The following PIP5K1B variants were observed in gnomAD, a reference collection of about 807,000 sequenced individuals.
PIP5K1B encodes phosphatidylinositol-4-phosphate 5-kinase type 1 beta.
A neutral mutation model predicts 67.0 loss-of-function variants in PIP5K1B; 42 were observed. The observed-to-expected ratio is 0.63, with a 90% CI of 0.49 to 0.81. The LOEUF (loss-of-function observed/expected upper bound fraction) is 0.81. Ranked by LOEUF, PIP5K1B falls within the 30% of genes least tolerant of loss-of-function variation. The probability of loss-of-function intolerance (pLI) is 0.00; values close to 1 mark genes in which losing one functional copy is unlikely to be tolerated. For missense variants in PIP5K1B, 459 were observed against 646.3 expected, an observed-to-expected ratio of 0.71 and a Z score of 3.14; for synonymous variants, 214 against 231.4, an observed-to-expected ratio of 0.92 and a Z score of 0.68.
chr9:68,915,449 A>G (rs1826048623), intron 8 of PIP5K1B, among the ~76,000 whole-genome samples: 1 of 152,152 alleles, frequency 6.6e-6, no homozygotes, highest in South Asian at 2.1e-4. Flanking sequence ...TTCTTTTAAG[A>G]GTCTGGCCCT....
At chr9:68,765,152 A>AT (rs1830369282) in intron 2 of PIP5K1B, among the ~76,000 whole-genome samples, 1 of 152,052 alleles carries the variant, frequency 6.6e-6, no homozygotes, top group African/African-American at 2.4e-5. Context: ...AATCAGTTAC[A>AT]ATTGTTCATA....
chr9:68,835,453 A>C (rs1476729303), intron 4 of PIP5K1B, among the ~76,000 whole-genome samples: 1 of 152,254 alleles, frequency 6.6e-6, no homozygotes, highest in African/African-American at 2.4e-5. Flanking sequence ...CTGTATGAGA[A>C]GGTACCAGGA....
chr9:68,899,872 A>G (rs11144191), intron 8 of PIP5K1B, among the ~76,000 whole-genome samples: 14,796 of 152,268 alleles, frequency 0.097, 861 homozygotes, highest in Non-Finnish European at 0.14. Context: ...GGTAATAAGC[A>G]TAGTACCTAA....
At chr9:68,826,152 C>T (rs1198668509) in intron 4 of PIP5K1B, among the ~76,000 whole-genome samples, 1 of 152,168 alleles carries the variant, frequency 6.6e-6, no homozygotes, top group Non-Finnish European at 1.5e-5. Context: ...AAACAAGTTG[C>T]CCATTAAGAC....
At chr9:68,788,312 T>C (rs542385453) in intron 2 of PIP5K1B, 91 of 746,638 alleles carry the variant, frequency 1.2e-4, no homozygotes, top group Middle Eastern at 3.7e-4. Flanking sequence ...TCCCTTCAGG[T>C]TCAAACTTGG....
chr9:68,852,528 C>T (rs1244381041), intron 4 of PIP5K1B, among the ~76,000 whole-genome samples: 1 of 152,150 alleles, frequency 6.6e-6, no homozygotes, highest in South Asian at 2.1e-4. Context: ...CTCAAACCTC[C>T]GTCCAGTCTT....
chr9:68,987,152 TAA>T (rs1830127661), intron 14 of PIP5K1B, among the ~76,000 whole-genome samples: 1 of 152,128 alleles, frequency 6.6e-6, no homozygotes, highest in Non-Finnish European at 1.5e-5. Flanking sequence ...CTCAGGAGGC[TAA>T]GAGAGGAGAA....
chr9:68,818,370 T>A (rs1428708638), intron 2 of PIP5K1B, 91 bp from the exon 3 acceptor site: 2 of 152,260 alleles, frequency 1.3e-5, no homozygotes, highest in African/African-American at 4.8e-5. Flanking sequence ...ACTGCTTATG[T>A]TGCATGTATC....
intron 4 of PIP5K1B, among the ~76,000 whole-genome samples, chr9:68,863,416 T>TACAC (rs544455158): frequency 6.6e-6 from 1 of 151,736 alleles, no homozygotes; most frequent in South Asian, 2.1e-4. Context: ...CACACACACA[T>TACAC]ACACACACAC....
chr9:68,974,023 G>T (rs564904760), intron 14 of PIP5K1B, among the ~76,000 whole-genome samples: 1 of 152,126 alleles, frequency 6.6e-6, no homozygotes, highest in Non-Finnish European at 1.5e-5. Context: ...AACTACAGGC[G>T]TGTGCCACCA....
At chr9:68,767,464 C>T (rs1266343916) in intron 2 of PIP5K1B, among the ~76,000 whole-genome samples, 1 of 151,792 alleles carries the variant, frequency 6.6e-6, no homozygotes, top group Non-Finnish European at 1.5e-5. Flanking sequence ...TGTGGTGGTG[C>T]ACACCTGTAA....
intron 15 of PIP5K1B, among the ~76,000 whole-genome samples, chr9:69,007,538 T>A (rs2133056939): frequency 6.6e-6 from 1 of 152,328 alleles, no homozygotes; most frequent in African/African-American, 2.4e-5. Context: ...CAAGAAGATG[T>A]TGCATAATAT....
intron 2 of PIP5K1B, among the ~76,000 whole-genome samples, chr9:68,768,098 A>G (rs1830518590): frequency 6.6e-6 from 1 of 152,228 alleles, no homozygotes; most frequent in Admixed American, 6.5e-5. Context: ...AGATAAGGAA[A>G]TAATAGACAT....
At chr9:69,000,586 C>T (rs566344665) in intron 15 of PIP5K1B, among the ~76,000 whole-genome samples, 7 of 152,256 alleles carry the variant, frequency 4.6e-5, no homozygotes, top group Non-Finnish European at 8.8e-5. Flanking sequence ...TGTAGGTGGC[C>T]TTCATCTCCC....
chr9:69,007,031 T>TA (rs1198680329), intron 15 of PIP5K1B, among the ~76,000 whole-genome samples: 1 of 152,192 alleles, frequency 6.6e-6, no homozygotes, highest in Non-Finnish European at 1.5e-5. Flanking sequence ...TATAGCACCT[T>TA]ACACTCACCT....
intron 15 of PIP5K1B, among the ~76,000 whole-genome samples, chr9:68,996,046 TTAG>T (rs1275430549): frequency 6.6e-6 from 1 of 152,236 alleles, no homozygotes. Flanking sequence ...CATTTCTCTA[TTAG>T]TAGTTGTAGC....
intron 12 of PIP5K1B, among the ~76,000 whole-genome samples, chr9:68,923,921 C>T: frequency 6.6e-6 from 1 of 151,896 alleles, no homozygotes; most frequent in African/African-American, 2.4e-5. Flanking sequence ...ACAGTGAAAA[C>T]TGAAAACTTC....
intron 15 of PIP5K1B, among the ~76,000 whole-genome samples, chr9:69,007,895 T>C (rs1050828249): frequency 2.6e-5 from 4 of 151,928 alleles, no homozygotes; most frequent in Non-Finnish European, 5.9e-5. Context: ...TTTGACCCAA[T>C]GTGTCTGTCT....
chr9:68,894,511 G>A lies in PIP5K1B; in HGVS notation c.644G>A (p.Arg215His), dbSNP rs781715849. ...TCAACGTATAAGCGAAGAGCATCCC[G>A]TAAAGAGAGAGAGAAATCCAACCCC... ...KGSTYKRRAS[R>H]KEREKSNPTF... The change falls in exon 8 of 16, where the codon CGT (arginine) becomes CAT (histidine). Residue 215 changes from arginine (R) to histidine (H), a missense_variant. This residue lies in a region of PIP5K1B where 290 missense variants were observed against 474.4 expected (regional missense o/e 0.61). Coordinates refer to ENST00000265382, the MANE Select transcript of PIP5K1B (RefSeq NM_003558.4). The A allele has an allele frequency of 1.1e-5, 17 of 1,613,956 alleles. No individual in the cohort carries two copies. Among genetic ancestry groups the A allele is most frequent in the Middle Eastern group, 1.6e-4 (1 of 6,084 alleles).
Sources: allele counts gnomAD v4.1 joint callset (sites outside exome capture counted in the v4.1 genomes callset), GRCh38; gene constraint gnomAD v4.1.1; regional missense constraint gnomAD v4.1.1; transcripts MANE v1.5; gene names NCBI Gene and HGNC (gene_info 2026-07-23, HGNC 2026-07-21).